Variants in UGGT2 observed in about 807,000 individuals in gnomAD.
The protein encoded by UGGT2 is UDP-glucose:glycoprotein glucosyltransferase 2.
UGGT2 carries 180 observed loss-of-function variants against 192.1 expected under a neutral mutation model. The observed-to-expected ratio is 0.94, with a 90% confidence interval of 0.83 to 1.06. UGGT2 has a LOEUF of 1.06. Among genes scored for constraint, UGGT2 ranks in the 50% least tolerant of loss-of-function variants. The probability of loss-of-function intolerance (pLI) is 0.00; values close to 1 mark genes in which losing one functional copy is unlikely to be tolerated. For missense variants in UGGT2, 1,849 were observed against 1,795.7 expected, an observed-to-expected ratio of 1.03 and a Z score of -0.54; for synonymous variants, 580 against 591.0, an observed-to-expected ratio of 0.98 and a Z score of 0.27.
rs2053332206 is a variant in UGGT2, at chr13:96,046,967, C to G, written c.158+6188G>C. On this transcript the variant is annotated intron_variant, in intron 1 of 38. Transcript: ENST00000376747. ...GGTTTGAGTAGGTAAACAAAGCAGT[C>G]TGGAAGCTTGAACTGGGTGGAGCCC... Among the ~76,000 whole-genome samples the G allele has an allele frequency of 2.0e-5, 3 of 152,216 alleles. No individual in the cohort carries two copies. The South Asian group carries it at 6.2e-4, about 31-fold the overall frequency.
chr13:95,964,194 G>A (rs2050493131), intron 12 of UGGT2, among the ~76,000 whole-genome samples: 1 of 152,104 alleles, frequency 6.6e-6, no homozygotes, highest in Admixed American at 6.6e-5. Context: ...TTTTGATAAA[G>A]GTGCCAAGAA....
At chr13:95,867,289 A>T in intron 30 of UGGT2, 50 bp downstream of exon 30, 1 of 1,381,728 alleles carries the variant, frequency 7.2e-7, no homozygotes, top group Non-Finnish European at 9.9e-7. Context: ...CAAAGAAGAT[A>T]ATTCTTAATA....
intron 20 of UGGT2, among the ~76,000 whole-genome samples, chr13:95,922,413 A>T (rs1157938780): frequency 1.3e-5 from 2 of 151,944 alleles, no homozygotes; most frequent in Non-Finnish European, 2.9e-5. Context: ...GCATCACACA[A>T]TATGCCCATG....
Position 96,023,020 on chromosome 13 carries a change from A to G in UGGT2, c.485+20T>C, listed in dbSNP as rs369099300. The G allele has an allele frequency of 2.9e-5, 45 of 1,547,740 alleles. No homozygotes were observed. The African/African-American group carries it at 5.7e-4, about 20-fold the overall frequency. ...CCTCTCTATAACCACTTCTTTCATT[A>G]TAGGCTATTATTAATTTACCTTGAA... On this transcript the variant is annotated intron_variant, in intron 4 of 38. Coordinates refer to ENST00000376747, the MANE Select transcript of UGGT2 (RefSeq NM_020121.4).
At chr13:95,893,895 GGA>G (rs2047875042) in intron 24 of UGGT2, among the ~76,000 whole-genome samples, 1 of 152,250 alleles carries the variant, frequency 6.6e-6, no homozygotes, top group South Asian at 2.1e-4. Flanking sequence ...GTAAATCCTT[GGA>G]CCCTTGGTCC....
At position 96,031,974 on chromosome 13, in the gene UGGT2, AT is replaced by A. The variant is rs1566844100; in HGVS notation, c.159-4del. On this transcript the variant is annotated splice_polypyrimidine_tract_variant and splice_region_variant and intron_variant, in intron 1 of 38. Coordinates refer to ENST00000376747, the MANE Select transcript of UGGT2 (RefSeq NM_020121.4). ...TACTTTCTTCTGCCATAAATTCACT[AT>A]TAAAAAAATAGAAGTAATCGGTTAG... 1.3e-5 allele frequency: 21 copies of A among 1,602,866 alleles called. No individual in the cohort carries two copies. Among genetic ancestry groups the A allele is most frequent in the Middle Eastern group, 1.7e-4 (1 of 6,038 alleles).
chr13:96,050,026 A>C (rs2053437653), intron 1 of UGGT2, among the ~76,000 whole-genome samples: 1 of 152,224 alleles, frequency 6.6e-6, no homozygotes, highest in Non-Finnish European at 1.5e-5. Flanking sequence ...TGCCAAGACA[A>C]TCCTAAGCAA....
intron 11 of UGGT2, among the ~76,000 whole-genome samples, chr13:95,971,478 G>A (rs2050770595): frequency 6.6e-6 from 1 of 152,178 alleles, no homozygotes; most frequent in Non-Finnish European, 1.5e-5. Flanking sequence ...ATGACCAGGT[G>A]TAGGAGCTGG....
At chr13:95,853,755 GAT>G (rs1889292545) in intron 35 of UGGT2, 98 bp from the exon 36 acceptor site, 1 of 676,152 alleles carries the variant, frequency 1.5e-6, no homozygotes, top group African/African-American at 1.9e-5. Context: ...ATTAACTACA[GAT>G]ATCCTAGGAT....
At chr13:95,909,775 A>G in intron 20 of UGGT2, among the ~76,000 whole-genome samples, 1 of 143,908 alleles carries the variant, frequency 6.9e-6, no homozygotes, top group Non-Finnish European at 1.5e-5. Context: ...AATAATAATA[A>G]TAATAAAAAA....
chr13:95,882,895 T>C (rs532570254), intron 27 of UGGT2, among the ~76,000 whole-genome samples: 8 of 152,338 alleles, frequency 5.3e-5, no homozygotes, highest in South Asian at 2.1e-4. Context: ...ATTGAGTATA[T>C]TGCCGCACTC....
intron 17 of UGGT2, 130 bp from the exon 18 acceptor site, chr13:95,927,466 C>CTTTTT (rs1566709199): frequency 3.5e-6 from 2 of 569,650 alleles, no homozygotes; most frequent in Non-Finnish European, 5.3e-6. Context: ...AATACATTTT[C>CTTTTT]TTTCTTTTTT....
At chr13:95,926,448 C>T (rs1297737747) in intron 19 of UGGT2, among the ~76,000 whole-genome samples, 1 of 152,158 alleles carries the variant, frequency 6.6e-6, no homozygotes, top group African/African-American at 2.4e-5. Context: ...TACTCATTGG[C>T]TCTTGTTTTT....
At chr13:95,820,153 A>AAAAT (rs58619571) in intron 38 of UGGT2, among the ~76,000 whole-genome samples, 108,572 of 151,274 alleles carry the variant, frequency 0.72, 40,309 homozygotes, top group African/African-American at 0.93. Context: ...ACTGTCTCAA[A>AAAAT]AAATAAATAA....
chr13:95,973,041 A>C (rs899898691), intron 10 of UGGT2, among the ~76,000 whole-genome samples: 3 of 152,126 alleles, frequency 2.0e-5, no homozygotes, highest in Non-Finnish European at 4.4e-5. Context: ...GTGGTGGCAC[A>C]TGCCCGTAAT....
intron 31 of UGGT2, among the ~76,000 whole-genome samples, chr13:95,861,695 T>C (rs1386884466): frequency 1.3e-5 from 2 of 152,142 alleles, no homozygotes; most frequent in African/African-American, 4.8e-5. Flanking sequence ...TAAAATTGGG[T>C]AAACAACTTA....
At position 96,053,254 on chromosome 13, in the gene UGGT2, C is replaced by G; in HGVS notation, c.59G>C (p.Trp20Ser). ...CGTCCCGGAGCCGAGCTGCGAAAGCCACAGCGCTGTGGAGCCTAGTAGCAG... is the reference window on the plus strand; with the variant it reads ...CGTCCCGGAGCCGAGCTGCGAAAGCGACAGCGCTGTGGAGCCTAGTAGCAG... ...VRLLLGSTALWLSQLGSGTVA... is the reference protein window; with the variant it reads ...VRLLLGSTALSLSQLGSGTVA... The change falls in exon 1 of 39, where the codon TGG (tryptophan) becomes TCG (serine). Residue 20 changes from tryptophan (W) to serine (S), a missense_variant. Transcript: ENST00000376747. 5 of 1,564,664 alleles carry G rather than the reference C, an allele frequency of 3.2e-6. No individual in the cohort carries two copies. The highest frequency in any genetic ancestry group is 4.3e-6 in the Non-Finnish European group (5 of 1,163,142).
At chr13:95,908,277 T>C (rs758617737) in intron 20 of UGGT2, among the ~76,000 whole-genome samples, 1 of 152,172 alleles carries the variant, frequency 6.6e-6, no homozygotes, top group Admixed American at 6.5e-5. Flanking sequence ...GTATGACTGG[T>C]GTACCTGAAA....
At chr13:95,980,922 CG>C (rs548468846) in intron 10 of UGGT2, among the ~76,000 whole-genome samples, 78 of 152,214 alleles carry the variant, frequency 5.1e-4, no homozygotes, top group African/African-American at 1.8e-3. Flanking sequence ...TGCTGGAACC[CG>C]GGAGGCAGAG....
Sources: allele counts gnomAD v4.1 joint callset (sites outside exome capture counted in the v4.1 genomes callset), GRCh38; gene constraint gnomAD v4.1.1; transcripts MANE v1.5; gene names NCBI Gene and HGNC (gene_info 2026-07-23, HGNC 2026-07-21).